Variants in ANGPT1 observed in about 807,000 individuals in gnomAD.
ANGPT1 encodes the protein angiopoietin-1.
A neutral mutation model predicts 62.2 loss-of-function variants in ANGPT1; 17 were observed. The observed-to-expected ratio is 0.27, with a 90% confidence interval of 0.19 to 0.41. ANGPT1 has a LOEUF of 0.41. ANGPT1 is among the 10% of genes least tolerant of loss of function. The pLI is 1.00. For missense variants in ANGPT1, 478 were observed against 594.9 expected (o/e 0.80, Z 2.04); for synonymous variants, 199 against 198.9 (o/e 1.00, Z 0.00).
chr8:107,327,681 C>T lies in ANGPT1; in HGVS notation c.576-5553G>A, dbSNP rs560510255. Among the ~76,000 whole-genome samples, 11 of 152,134 alleles carry T rather than the reference C, an allele frequency of 7.2e-5. No homozygotes were observed. In the South Asian group the frequency reaches 2.3e-3, roughly 32 times the overall value. On this transcript the variant is annotated intron_variant, in intron 3 of 8. Coordinates refer to ENST00000517746, the MANE Select transcript of ANGPT1 (RefSeq NM_001146.5). ...ATCTATACAAATTGAGCTAGAAATC[C>T]AAGGAGAGAGTTTCTCACAGGAGTC...
intron 1 of ANGPT1, among the ~76,000 whole-genome samples, chr8:107,422,322 T>G (rs1457082751): frequency 6.6e-6 from 1 of 152,012 alleles, no homozygotes; most frequent in Non-Finnish European, 1.5e-5. Flanking sequence ...GATCAGAGAG[T>G]CTGAGCATGT....
At position 107,374,046 on chromosome 8, in the gene ANGPT1, C is replaced by G. The variant is rs189142821; in HGVS notation, c.298-26949G>C. Among the ~76,000 whole-genome samples the G allele has an allele frequency of 2.6e-5, 4 of 152,264 alleles. No individual in the cohort carries two copies. The East Asian group carries it at 7.7e-4, about 29-fold the overall frequency. ...CAATTTGCTGCTCTAAGAATATTGA[C>G]CTTAATTCCCATTTAAGAGAGTGAA... On this transcript the variant is annotated intron_variant, in intron 1 of 8. Transcript: ENST00000517746.
chr8:107,267,566 A>C (rs573558261), intron 7 of ANGPT1, among the ~76,000 whole-genome samples: 23 of 152,166 alleles, frequency 1.5e-4, no homozygotes, highest in African/African-American at 5.5e-4. Flanking sequence ...ATCAAAGAAG[A>C]CTTACAACTA....
At chr8:107,256,017 T>C (rs1484961111) in intron 8 of ANGPT1, among the ~76,000 whole-genome samples, 1 of 152,214 alleles carries the variant, frequency 6.6e-6, no homozygotes, top group Non-Finnish European at 1.5e-5. Context: ...TATAAAAACT[T>C]GGCATTTAAG....
At chr8:107,321,872 C>G in intron 4 of ANGPT1, 24 bp downstream of exon 4, 1 of 1,594,752 alleles carries the variant, frequency 6.3e-7, no homozygotes, top group South Asian at 1.1e-5. Context: ...ATTAACAATA[C>G]CAAAGTGAGG....
chr8:107,440,600 T>A (rs1199505352), intron 1 of ANGPT1, among the ~76,000 whole-genome samples: 2 of 152,230 alleles, frequency 1.3e-5, no homozygotes, highest in African/African-American at 2.4e-5. Context: ...AGATTCGCAC[T>A]TGTGCTAAAT....
intron 1 of ANGPT1, among the ~76,000 whole-genome samples, chr8:107,433,079 T>C (rs1811237477): frequency 6.6e-6 from 1 of 152,192 alleles, no homozygotes; most frequent in Non-Finnish European, 1.5e-5. Flanking sequence ...CCCTCTTTTT[T>C]TTGTAAAAGA....
chr8:107,262,956 T>C (rs1813527402), intron 8 of ANGPT1, among the ~76,000 whole-genome samples: 1 of 152,232 alleles, frequency 6.6e-6, no homozygotes, highest in South Asian at 2.1e-4. Context: ...ATTTTTTCTT[T>C]AAATCTACTA....
At chr8:107,342,832 A>ACACAC (rs1554584320) in intron 2 of ANGPT1, among the ~76,000 whole-genome samples, 4 of 104,442 alleles carry the variant, frequency 3.8e-5, no homozygotes, top group Admixed American at 3.7e-4. Flanking sequence ...CACACACACA[A>ACACAC]GTGTATATAT....
At chr8:107,257,294 ATTTAG>A (rs1813381556) in intron 8 of ANGPT1, among the ~76,000 whole-genome samples, 1 of 152,224 alleles carries the variant, frequency 6.6e-6, no homozygotes, top group Non-Finnish European at 1.5e-5. Context: ...ACTCATTAAA[ATTTAG>A]TTTAGTAATA....
At chr8:107,398,731 T>A (rs1224252442) in intron 1 of ANGPT1, among the ~76,000 whole-genome samples, 1 of 152,134 alleles carries the variant, frequency 6.6e-6, no homozygotes, top group Admixed American at 6.5e-5. Context: ...ACCAACATCA[T>A]TTCTTATTAT....
chr8:107,336,683 A>G (rs1233685003), intron 2 of ANGPT1, among the ~76,000 whole-genome samples: 1 of 151,598 alleles, frequency 6.6e-6, no homozygotes, highest in Non-Finnish European at 1.5e-5. Context: ...AAAAAAAAAA[A>G]AAAAAGGTTT....
chr8:107,422,231 C>T (rs1199700021), intron 1 of ANGPT1, among the ~76,000 whole-genome samples: 2 of 152,184 alleles, frequency 1.3e-5, no homozygotes, highest in Non-Finnish European at 2.9e-5. Context: ...TATGCAGTTA[C>T]ATGGCAAGCA....
intron 4 of ANGPT1, 120 bp downstream of exon 4, chr8:107,321,776 T>C: frequency 1.3e-6 from 1 of 750,754 alleles, no homozygotes. Context: ...ATTCTAACCA[T>C]AAAGTTCTTC....
intron 1 of ANGPT1, among the ~76,000 whole-genome samples, chr8:107,467,125 T>C (rs997057790): frequency 3.3e-5 from 5 of 151,940 alleles, no homozygotes; most frequent in African/African-American, 9.7e-5. Flanking sequence ...GTGATTAAAA[T>C]TTTAAAATAA....
At chr8:107,307,838 A>T (rs945769702) in intron 4 of ANGPT1, among the ~76,000 whole-genome samples, 2 of 152,128 alleles carry the variant, frequency 1.3e-5, no homozygotes, top group East Asian at 3.9e-4. Context: ...CTTCAGATTC[A>T]TATATCTACT....
At chr8:107,420,283 AGT>A (rs1281707549) in intron 1 of ANGPT1, among the ~76,000 whole-genome samples, 1 of 152,182 alleles carries the variant, frequency 6.6e-6, no homozygotes, top group Non-Finnish European at 1.5e-5. Flanking sequence ...CAGCTAAAGG[AGT>A]GAACCTGTGC....
intron 1 of ANGPT1, among the ~76,000 whole-genome samples, chr8:107,459,662 C>T (rs977350901): frequency 3.9e-5 from 6 of 152,138 alleles, no homozygotes; most frequent in Non-Finnish European, 5.9e-5. Context: ...ACTTTATATT[C>T]GCCAATATAA....
At chr8:107,403,353 G>C (rs545649951) in intron 1 of ANGPT1, among the ~76,000 whole-genome samples, 42 of 152,204 alleles carry the variant, frequency 2.8e-4, no homozygotes, top group African/African-American at 7.5e-4. Flanking sequence ...CTACACCTTA[G>C]CTGCAAAGAA....
Sources: allele counts gnomAD v4.1 joint callset (sites outside exome capture counted in the v4.1 genomes callset), GRCh38; gene constraint gnomAD v4.1.1; transcripts MANE v1.5; gene names NCBI Gene and HGNC (gene_info 2026-07-23, HGNC 2026-07-21).